Variants in SEC14L5 observed in about 807,000 individuals in gnomAD.
SEC14L5 encodes the protein SEC14 like lipid binding 5, also known as SEC14-like protein 5.
Under a neutral mutation model 84.6 loss-of-function variants are expected in SEC14L5, and 96 were observed. That is an observed-to-expected ratio of 1.13 (90% confidence interval 0.96 to 1.34). The LOEUF (loss-of-function observed/expected upper bound fraction) is 1.34. SEC14L5 is among the 40% of genes most tolerant of loss of function. The pLI is 0.00. For missense variants in SEC14L5, 1,224 were observed against 942.5 expected (o/e 1.30, Z -3.91); for synonymous variants, 546 against 383.4 (o/e 1.42, Z -4.95).
chr16:5,010,996 A>G lies in SEC14L5; in HGVS notation c.1801-99A>G. 2.5e-6 allele frequency: 3 copies of G among 1,209,940 alleles called. No individual in the cohort carries two copies. In the East Asian group the frequency reaches 7.7e-5, roughly 31 times the overall value. 75.0% of individuals were successfully genotyped at this position (1,209,940 alleles called of 1,614,324 possible). On this transcript the variant is annotated intron_variant, in intron 14 of 15. Transcript: ENST00000251170. Reference sequence around the variant, plus strand: ...AAAGGGACAGAGGGAGAAGAGCCCCAATTTCCAGGCCTGGTGATGAGAAGC... The same window carrying G: ...AAAGGGACAGAGGGAGAAGAGCCCCGATTTCCAGGCCTGGTGATGAGAAGC...
intron 12 of SEC14L5, 27 bp from the exon 13 acceptor site, chr16:5,007,325 C>G (rs373776504): frequency 5.0e-5 from 81 of 1,610,652 alleles, no homozygotes; most frequent in Non-Finnish European, 6.9e-5. Context: ...TGGCCCTGAC[C>G]TGCTGCCCTT....
chr16:4,966,259 C>T (rs1338467371), intron 2 of SEC14L5, among the ~76,000 whole-genome samples: 1 of 147,710 alleles, frequency 6.8e-6, no homozygotes, highest in African/African-American at 2.5e-5. Context: ...ACCCACCGCG[C>T]CCGGCCTCTT....
chr16:4,960,224 A>G (rs1210542298), intron 2 of SEC14L5, among the ~76,000 whole-genome samples: 1 of 152,198 alleles, frequency 6.6e-6, no homozygotes, highest in African/African-American at 2.4e-5. Flanking sequence ...CATGGGGACA[A>G]TGCTACAAGG....
At chr16:4,958,647 T>C (rs1052556335) in intron 1 of SEC14L5, among the ~76,000 whole-genome samples, 19 of 152,160 alleles carry the variant, frequency 1.2e-4, no homozygotes, top group African/African-American at 4.6e-4. Flanking sequence ...CGGGTGTGTG[T>C]GCGTGTGTGC....
chr16:4,959,194 C>G, intron 1 of SEC14L5, 79 bp from the exon 2 acceptor site: 1 of 712,818 alleles, frequency 1.4e-6, no homozygotes, highest in Non-Finnish European at 2.6e-6. Flanking sequence ...GGGCCAGGGG[C>G]TGCCCCTTAC....
At chr16:4,989,801 G>A (rs993241571) in intron 4 of SEC14L5, among the ~76,000 whole-genome samples, 2 of 152,116 alleles carry the variant, frequency 1.3e-5, no homozygotes, top group East Asian at 1.9e-4. Context: ...ATCAATAGCT[G>A]AGTCAGCAGC....
intron 2 of SEC14L5, among the ~76,000 whole-genome samples, chr16:4,968,294 C>G (rs1011690813): frequency 2.0e-5 from 3 of 152,020 alleles, no homozygotes; most frequent in African/African-American, 7.2e-5. Context: ...ATTCTTCTAC[C>G]TCAGCCTCCC....
Position 4,959,368 on chromosome 16 carries a change from G to A in SEC14L5, c.45G>A (p.Pro15=), listed in dbSNP as rs541090079. 37 of 1,613,872 alleles carry A rather than the reference G, an allele frequency of 2.3e-5. No homozygotes were observed. Among genetic ancestry groups the A allele is most frequent in the African/African-American group, 2.3e-4 (17 of 75,024 alleles). ...CTCCTGTCCGAGTCTACAAGTACCC[G>A]TTTGAGCTGGTCATGGCGGTGAGTG... is the stretch of plus-strand genomic sequence containing the variant. ...YQSPVRVYKY[P]FELVMAAYEK... is the part of the protein sequence containing the mutation. Residue 15 remains proline, a synonymous_variant, in exon 2 of 16, where the codon CCG becomes CCA. Coordinates refer to ENST00000251170, the MANE Select transcript of SEC14L5 (RefSeq NM_014692.2).
At chr16:5,009,171 G>C (rs371026902) in intron 14 of SEC14L5, among the ~76,000 whole-genome samples, 1 of 152,134 alleles carries the variant, frequency 6.6e-6, no homozygotes, top group Admixed American at 6.5e-5. Context: ...GGTGTCATTG[G>C]TGGGTAGATG....
At chr16:4,980,557 G>A (rs1048032722) in intron 2 of SEC14L5, among the ~76,000 whole-genome samples, 7 of 152,182 alleles carry the variant, frequency 4.6e-5, no homozygotes, top group South Asian at 2.1e-4. Flanking sequence ...GGCCAAGTGC[G>A]TGTTATGTTC....
intron 7 of SEC14L5, 57 bp downstream of exon 7, chr16:4,996,517 C>T (rs1389770707): frequency 2.3e-6 from 2 of 881,916 alleles, no homozygotes; most frequent in Non-Finnish European, 1.8e-6. Flanking sequence ...TGGTACTCAG[C>T]CTCCGTGCAT....
At chr16:4,969,739 C>G (rs1481331118) in intron 2 of SEC14L5, among the ~76,000 whole-genome samples, 2 of 151,550 alleles carry the variant, frequency 1.3e-5, no homozygotes, top group African/African-American at 2.4e-5. Context: ...TCCTTGTTTA[C>G]TTGTTTATAT....
intron 8 of SEC14L5, among the ~76,000 whole-genome samples, chr16:4,998,035 G>A (rs1955630790): frequency 7.1e-6 from 1 of 140,842 alleles, no homozygotes; most frequent in South Asian, 2.3e-4. Context: ...ACAGAGTCTG[G>A]CTCTGTCACC....
At chr16:4,967,123 A>C (rs1955210104) in intron 2 of SEC14L5, among the ~76,000 whole-genome samples, 1 of 152,196 alleles carries the variant, frequency 6.6e-6, no homozygotes, top group African/African-American at 2.4e-5. Flanking sequence ...ACTTAGAACA[A>C]CATAAGTTCA....
At chr16:4,995,297 G>A (rs1304400020) in intron 6 of SEC14L5, among the ~76,000 whole-genome samples, 2 of 152,196 alleles carry the variant, frequency 1.3e-5, no homozygotes, top group Non-Finnish European at 2.9e-5. Context: ...GCTAAGAGTG[G>A]GGGAACAGGA....
rs1955558974 is a variant in SEC14L5 at position 4,992,035 on chromosome 16, G to C, written c.667+5G>C. The C allele has an allele frequency of 1.3e-6, 2 of 1,554,100 alleles. No individual in the cohort carries two copies. The highest frequency in any genetic ancestry group is 1.4e-5 in the African/African-American group (1 of 73,688). On this transcript the variant is annotated splice_donor_5th_base_variant and intron_variant, in intron 6 of 15. Coordinates refer to ENST00000251170, the MANE Select transcript of SEC14L5 (RefSeq NM_014692.2). ...TGGAGGCGGTCAGTATGGACGGTAG[G>C]TGGTACAGCCCAGGCCAGTCAGCCC...
chr16:5,010,760 AT>A (rs540242759), intron 14 of SEC14L5: 108 of 290,300 alleles, frequency 3.7e-4, no homozygotes, highest in African/African-American at 2.1e-3. Context: ...CCCTTTCCTA[AT>A]CCCCTTGGTT....
chr16:4,989,663 C>G (rs1185035601), intron 4 of SEC14L5, among the ~76,000 whole-genome samples: 1 of 152,172 alleles, frequency 6.6e-6, no homozygotes. Context: ...CCTTTTCTTT[C>G]TACGCCTCCA....
rs1335725880 is a variant in SEC14L5 at position 5,015,908 on chromosome 16, A to C, written c.*938A>C. ...GTGGGAGAGCCCTGGGTTTCTGCTA[A>C]GTTCCAGGCAGTGATGGGGTGACTG... On this transcript the variant is annotated 3_prime_UTR_variant, in exon 16 of 16. Coordinates refer to ENST00000251170, the MANE Select transcript of SEC14L5 (RefSeq NM_014692.2). The C allele has an allele frequency of 7.2e-5, 11 of 152,322 alleles. No homozygotes were observed. Among genetic ancestry groups the C allele is most frequent in the Admixed American group, 7.2e-4 (11 of 15,290 alleles). The allele number at this position is 152,322 out of a possible 1,614,324, so 9.4% of individuals were successfully genotyped here.
Sources: gnomAD v4.1 joint callset for allele counts (sites outside exome capture counted in the v4.1 genomes callset) on GRCh38, gnomAD v4.1.1 for gene constraint, MANE v1.5 for transcripts, NCBI Gene and HGNC (gene_info 2026-07-23, HGNC 2026-07-21) for gene names.